Variants in MRPS28 observed in about 807,000 individuals in gnomAD.
MRPS28 encodes the protein mitochondrial ribosomal protein S28.
In MRPS28, 7 loss-of-function variants were observed where a neutral mutation model predicts 10.8. That is an observed-to-expected ratio of 0.65 (90% CI 0.37 to 1.22). MRPS28 has a LOEUF of 1.22. Ranked by LOEUF, MRPS28 falls within the 50% of genes most tolerant of loss-of-function variation. MRPS28 has a pLI of 0.02. For missense variants in MRPS28, 265 were observed against 232.9 expected (o/e 1.14, Z -0.90); for synonymous variants, 121 against 93.3 (o/e 1.30, Z -1.71).
chr8:79,942,152 A>C (rs1806786472), intron 2 of MRPS28, among the ~76,000 whole-genome samples: 1 of 152,202 alleles, frequency 6.6e-6, no homozygotes, highest in African/African-American at 2.4e-5. Flanking sequence ...GGGTAAAAAA[A>C]GAACACTTCT....
chr8:79,990,543 G>T (rs894336065), intron 2 of MRPS28, among the ~76,000 whole-genome samples: 1 of 152,062 alleles, frequency 6.6e-6, no homozygotes, highest in African/African-American at 2.4e-5. Context: ...AAGGATACTA[G>T]CCTATCTAGC....
intron 2 of MRPS28, among the ~76,000 whole-genome samples, chr8:79,931,563 TA>T (rs1246563939): frequency 1.3e-5 from 2 of 152,282 alleles, no homozygotes; most frequent in East Asian, 1.9e-4. Flanking sequence ...ATCATTACCG[TA>T]AAAGAGGAAT....
chr8:80,006,525 A>G (rs1221691559), intron 1 of MRPS28, among the ~76,000 whole-genome samples: 1 of 152,210 alleles, frequency 6.6e-6, no homozygotes, highest in Non-Finnish European at 1.5e-5. Context: ...GACCGCTAGC[A>G]AGGCTAATAA....
At chr8:80,004,361 TACCC>T (rs1808762402) in intron 1 of MRPS28, among the ~76,000 whole-genome samples, 1 of 152,200 alleles carries the variant, frequency 6.6e-6, no homozygotes, top group Non-Finnish European at 1.5e-5. Context: ...CTGCTGCTGA[TACCC>T]AGGCAAACAG....
At chr8:80,019,864 G>A (rs1809306918) in intron 1 of MRPS28, among the ~76,000 whole-genome samples, 1 of 152,168 alleles carries the variant, frequency 6.6e-6, no homozygotes, top group Non-Finnish European at 1.5e-5. Flanking sequence ...AAGAGTATGA[G>A]ACAGGTCTAA....
intron 1 of MRPS28, among the ~76,000 whole-genome samples, chr8:80,010,652 TAA>T (rs1376286921): frequency 6.6e-6 from 1 of 152,214 alleles, no homozygotes; most frequent in African/African-American, 2.4e-5. Context: ...TGCAGGGGGA[TAA>T]AGTTTTCCAT....
At chr8:79,973,283 AGT>A (rs747697374) in intron 2 of MRPS28, among the ~76,000 whole-genome samples, 4 of 151,962 alleles carry the variant, frequency 2.6e-5, no homozygotes, top group East Asian at 1.9e-4. Context: ...AGAGAGAGAG[AGT>A]GTGTGTGTGT....
rs561233198 is a variant in MRPS28, at chr8:79,990,058, G to A, written c.395+12941C>T. On this transcript the variant is annotated intron_variant, in intron 2 of 2. Transcript: ENST00000276585. ...CGCCTGTAGTCCCGGCTACTCAGGA[G>A]GCAGAAGCACAAGAATCGCTTGAGC... Among the ~76,000 whole-genome samples, 8 of 152,328 alleles carry A rather than the reference G, an allele frequency of 5.3e-5. No homozygotes were observed. The South Asian group carries it at 1.7e-3, about 32-fold the overall frequency.
At chr8:79,952,433 G>A (rs1807102331) in intron 2 of MRPS28, among the ~76,000 whole-genome samples, 1 of 152,240 alleles carries the variant, frequency 6.6e-6, no homozygotes, top group South Asian at 2.1e-4. Context: ...AATACACCAA[G>A]AGTAGAAATG....
intron 2 of MRPS28, among the ~76,000 whole-genome samples, chr8:79,964,068 C>G (rs1379000020): frequency 1.3e-5 from 2 of 152,062 alleles, no homozygotes; most frequent in African/African-American, 2.4e-5. Context: ...ACTTATACAA[C>G]CTTTTTCAGA....
chr8:79,986,413 AGTTCTGGCCAGG>A (rs1808175529), intron 2 of MRPS28, among the ~76,000 whole-genome samples: 2 of 152,212 alleles, frequency 1.3e-5, no homozygotes, highest in South Asian at 4.1e-4. Flanking sequence ...TAGTGTTGGA[AGTTCTGGCCAGG>A]GCAATTAGGC....
chr8:79,924,523 G>A (rs960812671), intron 2 of MRPS28, among the ~76,000 whole-genome samples: 11 of 152,156 alleles, frequency 7.2e-5, no homozygotes, highest in African/African-American at 2.7e-4. Context: ...TTAAAAAGCA[G>A]AGGGTCAGAA....
chr8:79,969,993 C>G (rs933148507), intron 2 of MRPS28, among the ~76,000 whole-genome samples: 1 of 152,172 alleles, frequency 6.6e-6, no homozygotes. Context: ...ATTATACATG[C>G]TTGGATATAG....
At chr8:79,959,876 T>G (rs910522421) in intron 2 of MRPS28, among the ~76,000 whole-genome samples, 15 of 152,170 alleles carry the variant, frequency 9.9e-5, no homozygotes, top group African/African-American at 3.6e-4. Flanking sequence ...ATATTAATTT[T>G]ATCAAGAAAG....
intron 1 of MRPS28, among the ~76,000 whole-genome samples, chr8:80,012,227 T>G (rs2130198920): frequency 6.6e-6 from 1 of 152,332 alleles, no homozygotes; most frequent in Admixed American, 6.5e-5. Context: ...ACACCTGAAT[T>G]TGCTTTTAAA....
chr8:79,982,412 G>A (rs1192914688), intron 2 of MRPS28, among the ~76,000 whole-genome samples: 13 of 152,212 alleles, frequency 8.5e-5, no homozygotes, highest in East Asian at 3.9e-4. Flanking sequence ...GACAGTGGGC[G>A]CAGGACAGTG....
chr8:79,950,200 A>C (rs1171957754), intron 2 of MRPS28, among the ~76,000 whole-genome samples: 2 of 152,196 alleles, frequency 1.3e-5, no homozygotes, highest in Non-Finnish European at 2.9e-5. Flanking sequence ...TCAATAAAAC[A>C]AATGCTTAAC....
chr8:79,992,302 G>A (rs1179193067), intron 2 of MRPS28, among the ~76,000 whole-genome samples: 3 of 152,176 alleles, frequency 2.0e-5, no homozygotes, highest in African/African-American at 7.2e-5. Flanking sequence ...CACAGACATA[G>A]AGAACAGTCA....
intron 2 of MRPS28, among the ~76,000 whole-genome samples, chr8:79,963,024 C>A (rs1016445623): frequency 1.4e-4 from 21 of 152,030 alleles, no homozygotes; most frequent in Admixed American, 1.2e-3. Flanking sequence ...GGCAATGAAA[C>A]ACAATGGATA....
Sources: gnomAD v4.1 joint callset for allele counts (sites outside exome capture counted in the v4.1 genomes callset) on GRCh38, gnomAD v4.1.1 for gene constraint, MANE v1.5 for transcripts, NCBI Gene and HGNC (gene_info 2026-07-23, HGNC 2026-07-21) for gene names.